FHOD3: variants seen among roughly 807,000 people sequenced by gnomAD.
FHOD3 encodes the protein FH1/FH2 domain-containing protein 3.
In FHOD3, 90 loss-of-function variants were observed where a neutral mutation model predicts 173.0. The observed-to-expected ratio is 0.52, with a 90% CI of 0.44 to 0.62. The LOEUF is 0.62. FHOD3 is among the 20% of genes least tolerant of loss of function. FHOD3 has a pLI of 0.00. For missense variants in FHOD3, 1,945 were observed against 2,034.7 expected, an observed-to-expected ratio of 0.96 and a Z score of 0.85; for synonymous variants, 828 against 823.0, an observed-to-expected ratio of 1.01 and a Z score of -0.10.
intron 18 of FHOD3, among the ~76,000 whole-genome samples, chr18:36,715,190 C>A (rs1427998193): frequency 6.6e-6 from 1 of 152,232 alleles, no homozygotes; most frequent in South Asian, 2.1e-4. Flanking sequence ...CCCCACAGGT[C>A]ATGGGAGGGA....
At chr18:36,529,499 T>C (rs534859890) in intron 5 of FHOD3, among the ~76,000 whole-genome samples, 2 of 152,132 alleles carry the variant, frequency 1.3e-5, no homozygotes, top group Admixed American at 1.3e-4. Context: ...GGATTTTTTT[T>C]TATATATATG....
chr18:36,716,611 C>G (rs139521806), intron 18 of FHOD3, among the ~76,000 whole-genome samples: 1 of 152,268 alleles, frequency 6.6e-6, no homozygotes, highest in East Asian at 1.9e-4. Context: ...GAGGAAGCAG[C>G]AACGGAGACT....
intron 1 of FHOD3, among the ~76,000 whole-genome samples, chr18:36,324,602 A>G (rs988752372): frequency 1.3e-5 from 2 of 152,254 alleles, no homozygotes; most frequent in Non-Finnish European, 2.9e-5. Context: ...TCCGTTCAAG[A>G]TGGTACCCAA....
chr18:36,517,346 A>G (rs2056045578), intron 5 of FHOD3, among the ~76,000 whole-genome samples: 1 of 152,188 alleles, frequency 6.6e-6, no homozygotes, highest in African/African-American at 2.4e-5. Flanking sequence ...GCCATGCACC[A>G]TGTCAGGCCC....
intron 19 of FHOD3, among the ~76,000 whole-genome samples, chr18:36,719,695 A>G (rs1266358849): frequency 1.3e-5 from 2 of 152,220 alleles, no homozygotes; most frequent in Non-Finnish European, 2.9e-5. Context: ...TTGGGTGAGT[A>G]TGAAACTGTC....
chr18:36,769,346 T>C lies in FHOD3; in HGVS notation c.4706T>C (p.Ile1569Thr). The C allele has an allele frequency of 6.2e-7, 1 of 1,614,126 alleles. No homozygotes were observed. The highest frequency in any genetic ancestry group is 1.1e-5 in the South Asian group (1 of 91,082). Reference protein sequence around the residue: ...DDAADEIMDRIVKSATQVPSQ... With the variant: ...DDAADEIMDRTVKSATQVPSQ... ...GCAGCTGATGAGATCATGGACCGCA[T>C]CGTCAAGTCAGCCACCCAAGTGCCC... The change falls in exon 28 of 29, where the codon ATC (isoleucine) becomes ACC (threonine). Residue 1569 changes from isoleucine (I) to threonine (T), a missense_variant. Ile to Thr is a moderately conservative substitution (Grantham distance 89). Transcript: ENST00000590592.
chr18:36,699,843 C>G (rs2039484327), intron 17 of FHOD3, among the ~76,000 whole-genome samples: 1 of 152,138 alleles, frequency 6.6e-6, no homozygotes, highest in Non-Finnish European at 1.5e-5. Flanking sequence ...ATCTTTGGAG[C>G]CTTTTGAATT....
At chr18:36,568,224 G>C (rs1360962786) in intron 5 of FHOD3, among the ~76,000 whole-genome samples, 1 of 145,480 alleles carries the variant, frequency 6.9e-6, no homozygotes, top group Non-Finnish European at 1.5e-5. Context: ...TGTAATTCCA[G>C]CTACTCGGGA....
intron 16 of FHOD3, among the ~76,000 whole-genome samples, chr18:36,688,882 C>T (rs529286354): frequency 6.6e-6 from 1 of 152,328 alleles, no homozygotes; most frequent in East Asian, 1.9e-4. Flanking sequence ...CAAGACTTCA[C>T]TTATGTCTGG....
At chr18:36,398,982 T>C (rs1245245258) in intron 3 of FHOD3, among the ~76,000 whole-genome samples, 1 of 152,172 alleles carries the variant, frequency 6.6e-6, no homozygotes, top group Non-Finnish European at 1.5e-5. Context: ...GAACTCATTC[T>C]TCTGGGAGAC....
At chr18:36,771,776 GAGA>G (rs1221169097) in intron 28 of FHOD3, among the ~76,000 whole-genome samples, 6 of 152,238 alleles carry the variant, frequency 3.9e-5, no homozygotes, top group Admixed American at 6.5e-5. Flanking sequence ...TGGGCCAAGG[GAGA>G]AGGTTGGACC....
intron 24 of FHOD3, among the ~76,000 whole-genome samples, chr18:36,748,525 G>T (rs751497893): frequency 6.6e-6 from 1 of 152,148 alleles, no homozygotes; most frequent in Non-Finnish European, 1.5e-5. Context: ...ATCCCAGACA[G>T]ATTAAAAACT....
At chr18:36,583,023 T>G (rs951042615) in intron 6 of FHOD3, among the ~76,000 whole-genome samples, 4 of 152,228 alleles carry the variant, frequency 2.6e-5, no homozygotes, top group African/African-American at 9.6e-5. Context: ...TTTCTCTTAT[T>G]AACTGTTAGT....
At chr18:36,657,460 A>G (rs1358273403) in intron 13 of FHOD3, among the ~76,000 whole-genome samples, 1 of 152,260 alleles carries the variant, frequency 6.6e-6, no homozygotes, top group East Asian at 1.9e-4. Context: ...ATCAAATCTC[A>G]TGTAAACCTC....
At chr18:36,564,410 C>T (rs192912437) in intron 5 of FHOD3, among the ~76,000 whole-genome samples, 21 of 152,184 alleles carry the variant, frequency 1.4e-4, no homozygotes, top group East Asian at 5.8e-4. Flanking sequence ...GACTGTAGAA[C>T]GGGAAAGACT....
chr18:36,699,004 C>A (rs1425257464), intron 17 of FHOD3, among the ~76,000 whole-genome samples: 1 of 152,080 alleles, frequency 6.6e-6, no homozygotes. Context: ...TTACAGTGGG[C>A]AATAAACCAA....
At chr18:36,357,148 A>C (rs944047083) in intron 2 of FHOD3, among the ~76,000 whole-genome samples, 2 of 152,186 alleles carry the variant, frequency 1.3e-5, no homozygotes, top group Non-Finnish European at 2.9e-5. Context: ...TGAATAGCTC[A>C]ATTAATGGAG....
intron 1 of FHOD3, among the ~76,000 whole-genome samples, chr18:36,345,208 G>GT (rs34670751): frequency 0.3 from 46,119 of 151,364 alleles, 7,534 homozygotes; most frequent in African/African-American, 0.42. Context: ...TACAGAGTAT[G>GT]TTTTTTTTTA....
chr18:36,539,781 G>A (rs2057134241), intron 5 of FHOD3, among the ~76,000 whole-genome samples: 1 of 152,204 alleles, frequency 6.6e-6, no homozygotes, highest in Non-Finnish European at 1.5e-5. Flanking sequence ...AGAGTAGGAA[G>A]TACAGGATTG....
Sources: gnomAD v4.1 joint callset for allele counts (sites outside exome capture counted in the v4.1 genomes callset) on GRCh38, gnomAD v4.1.1 for gene constraint, MANE v1.5 for transcripts, NCBI Gene and HGNC (gene_info 2026-07-23, HGNC 2026-07-21) for gene names.